Variants in C8orf34 observed in about 807,000 individuals in gnomAD.
The protein encoded by C8orf34 is uncharacterized protein C8orf34.
C8orf34 carries 65 observed loss-of-function variants against 68.3 expected under a neutral mutation model. The ratio of observed to expected loss-of-function variants is 0.95; its 90% confidence interval spans 0.78 to 1.17. C8orf34 has a LOEUF of 1.17. Among genes scored for constraint, C8orf34 ranks in the 50% most tolerant of loss-of-function variants. The pLI is 0.00. For synonymous variants in C8orf34, 244 were observed against 241.2 expected, an observed-to-expected ratio of 1.01 and a Z score of -0.11; for missense variants, 664 against 655.4, an observed-to-expected ratio of 1.01 and a Z score of -0.14.
intron 1 of C8orf34, among the ~76,000 whole-genome samples, chr8:68,399,497 C>A (rs535634480): frequency 6.6e-6 from 1 of 152,178 alleles, no homozygotes; most frequent in South Asian, 2.1e-4. Flanking sequence ...TGGTTTCATT[C>A]TTTTATGGCC....
intron 10 of C8orf34, among the ~76,000 whole-genome samples, chr8:68,763,861 G>A (rs1823093691): frequency 6.6e-6 from 1 of 152,178 alleles, no homozygotes; most frequent in African/African-American, 2.4e-5. Flanking sequence ...GAGCTTCACT[G>A]GTTGCCTTAG....
At chr8:68,667,740 A>G (rs556981557) in intron 8 of C8orf34, among the ~76,000 whole-genome samples, 1 of 152,288 alleles carries the variant, frequency 6.6e-6, no homozygotes, top group Non-Finnish European at 1.5e-5. Context: ...CAATTATCCT[A>G]ACAAGTGAAT....
At chr8:68,608,751 G>C (rs796895273) in intron 7 of C8orf34, among the ~76,000 whole-genome samples, 79 of 152,038 alleles carry the variant, frequency 5.2e-4, no homozygotes, top group African/African-American at 1.7e-3. Flanking sequence ...TAGGTCTGAT[G>C]GGGGGGATGA....
rs566939933 is a variant in C8orf34 at position 68,594,761 on chromosome 8, A to G, written c.1106-45615A>G. On this transcript the variant is annotated intron_variant, in intron 7 of 13. Coordinates refer to ENST00000518698, the MANE Select transcript of C8orf34 (RefSeq NM_052958.4). Reference sequence around the variant, plus strand: ...AAATCTGACAGTCTTGGACTTTTGAACAGTGAACTTAACCCATGTAACTTT... The same window carrying G: ...AAATCTGACAGTCTTGGACTTTTGAGCAGTGAACTTAACCCATGTAACTTT... 7.6e-4 allele frequency among the ~76,000 whole-genome samples: 116 copies of G among 152,208 alleles called. 4 individuals carry two copies. The South Asian group carries it at 0.011, about 14-fold the overall frequency.
chr8:68,488,563 C>G (rs1813174937), intron 5 of C8orf34, among the ~76,000 whole-genome samples: 1 of 152,040 alleles, frequency 6.6e-6, no homozygotes, highest in African/African-American at 2.4e-5. Context: ...AGTTGTGTCA[C>G]TGGAACTTGC....
intron 1 of C8orf34, among the ~76,000 whole-genome samples, chr8:68,378,150 A>G (rs758089763): frequency 1.2e-4 from 18 of 152,172 alleles, no homozygotes; most frequent in Non-Finnish European, 2.1e-4. Flanking sequence ...TTGGAATCAT[A>G]TTAATTTATT....
At chr8:68,702,690 C>T (rs1237496919) in intron 8 of C8orf34, among the ~76,000 whole-genome samples, 1 of 152,088 alleles carries the variant, frequency 6.6e-6, no homozygotes, top group Non-Finnish European at 1.5e-5. Context: ...TGTTAATTTG[C>T]TTATTTAAAT....
intron 7 of C8orf34, among the ~76,000 whole-genome samples, chr8:68,540,481 G>A (rs1011402181): frequency 4.0e-5 from 6 of 151,764 alleles, no homozygotes; most frequent in Non-Finnish European, 7.4e-5. Context: ...CACTTCTTAA[G>A]TGCTCTCATA....
At chr8:68,601,392 C>T (rs149170833) in intron 7 of C8orf34, among the ~76,000 whole-genome samples, 2 of 152,032 alleles carry the variant, frequency 1.3e-5, no homozygotes, top group East Asian at 1.9e-4. Context: ...TTCTACATGT[C>T]CCTAAGACTG....
At chr8:68,425,727 AG>A in intron 1 of C8orf34, among the ~76,000 whole-genome samples, 1 of 133,170 alleles carries the variant, frequency 7.5e-6, no homozygotes, top group East Asian at 2.3e-4. Flanking sequence ...CAGTTTTGGA[AG>A]GAAAAAAAAA....
In C8orf34 at chr8:68,604,121, C is replaced by T. The variant is rs73683580; in HGVS notation, c.1106-36255C>T. ...TTTAGAAGCTTTTCACAAGATGAAG[C>T]GGAAATGAGAAAAGAACTGAACACA... On this transcript the variant is annotated intron_variant, in intron 7 of 13. Transcript: ENST00000518698. Among the ~76,000 whole-genome samples the T allele has an allele frequency of 9.8e-3, 1,488 of 151,824 alleles. 26 individuals are homozygous for T. The highest frequency in any genetic ancestry group is 0.034 in the African/African-American group (1,410 of 41,380).
At chr8:68,566,617 A>C (rs1457163017) in intron 7 of C8orf34, among the ~76,000 whole-genome samples, 1 of 152,214 alleles carries the variant, frequency 6.6e-6, no homozygotes, top group Non-Finnish European at 1.5e-5. Context: ...AGAATTGAAG[A>C]GAGTTAGGCC....
intron 10 of C8orf34, among the ~76,000 whole-genome samples, chr8:68,738,439 TAAC>T (rs755496357): frequency 6.6e-6 from 1 of 151,104 alleles, no homozygotes; most frequent in African/African-American, 2.4e-5. Flanking sequence ...AGACAAGAAA[TAAC>T]AAAAATCAGA....
At chr8:68,715,228 C>G (rs1034644926) in intron 9 of C8orf34, among the ~76,000 whole-genome samples, 6 of 151,846 alleles carry the variant, frequency 4.0e-5, no homozygotes, top group Admixed American at 6.6e-5. Flanking sequence ...ACGTCATGAC[C>G]AAGAACCCAA....
At chr8:68,495,408 T>C (rs1813484447) in intron 5 of C8orf34, among the ~76,000 whole-genome samples, 1 of 152,208 alleles carries the variant, frequency 6.6e-6, no homozygotes, top group Admixed American at 6.5e-5. Context: ...ACTTACTATA[T>C]GCCAGATAGC....
At chr8:68,815,801 A>G in intron 12 of C8orf34, 85 bp from the exon 13 acceptor site, 1 of 1,609,676 alleles carries the variant, frequency 6.2e-7, no homozygotes, top group Non-Finnish European at 8.5e-7. Context: ...TCTTCACTAG[A>G]AATTGGCTAA....
intron 1 of C8orf34, among the ~76,000 whole-genome samples, chr8:68,352,977 C>A (rs1373883477): frequency 1.3e-5 from 2 of 152,090 alleles, no homozygotes; most frequent in Admixed American, 1.3e-4. Flanking sequence ...GGGACTGAAT[C>A]TTGGAATGCT....
At chr8:68,680,448 T>TG (rs1262291504) in intron 8 of C8orf34, among the ~76,000 whole-genome samples, 2 of 152,092 alleles carry the variant, frequency 1.3e-5, no homozygotes, top group South Asian at 4.1e-4. Context: ...GCTGGGCCAC[T>TG]GGGGGTGACA....
At chr8:68,408,495 C>T (rs536720305) in intron 1 of C8orf34, among the ~76,000 whole-genome samples, 8 of 152,158 alleles carry the variant, frequency 5.3e-5, no homozygotes, top group Admixed American at 3.9e-4. Context: ...TCCCAATTTT[C>T]ATAGTTTTCA....
Sources: gnomAD v4.1 joint callset for allele counts (sites outside exome capture counted in the v4.1 genomes callset) on GRCh38, gnomAD v4.1.1 for gene constraint, MANE v1.5 for transcripts, NCBI Gene and HGNC (gene_info 2026-07-23, HGNC 2026-07-21) for gene names.